Variants in BMPR2 observed in about 807,000 individuals in gnomAD.
BMPR2 encodes bone morphogenetic protein receptor type 2.
BMPR2 carries 29 observed loss-of-function variants against 100.8 expected under a neutral mutation model. The observed-to-expected ratio is 0.29, with a 90% CI of 0.21 to 0.39. BMPR2 has a LOEUF of 0.39. Ranked by LOEUF, BMPR2 falls within the 10% of genes least tolerant of loss-of-function variation. BMPR2 has a pLI of 1.00. For missense variants in BMPR2, 1,011 were observed against 1,274.5 expected (o/e 0.79, Z 3.15); for synonymous variants, 382 against 442.3 (o/e 0.86, Z 1.71).
chr2:202,548,697 T>C (rs756202522), intron 10 of BMPR2, among the ~76,000 whole-genome samples: 6 of 152,254 alleles, frequency 3.9e-5, no homozygotes, highest in East Asian at 3.9e-4. Flanking sequence ...TACTTTTTTT[T>C]CCCCCTACTT....
chr2:202,438,409 G>C (rs566138037), intron 1 of BMPR2, among the ~76,000 whole-genome samples: 1 of 150,634 alleles, frequency 6.6e-6, no homozygotes, highest in Non-Finnish European at 1.5e-5. Flanking sequence ...CCCCCATTCT[G>C]TGAGTTGTCT....
rs1085307177 is a variant in BMPR2, at chr2:202,464,932, A to G, written c.200A>G (p.Tyr67Cys). 1 of 1,614,170 alleles carries G rather than the reference A, an allele frequency of 6.2e-7. No individual in the cohort carries two copies. Among genetic ancestry groups the G allele is most frequent in the Non-Finnish European group, 8.5e-7 (1 of 1,180,018 alleles). The change falls in exon 2 of 13, where the codon TAT becomes TGT. Residue 67 changes from tyrosine to cysteine, a missense_variant. Coordinates refer to ENST00000374580, the MANE Select transcript of BMPR2 (RefSeq NM_001204.7). ...TILCSKGSTC[Y>C]GLWEKSKGDI... ...TTATGCTCGAAAGGTAGCACCTGCT[A>G]TGGCCTTTGGGAGAAATCAAAAGGG...
chr2:202,402,085 C>A (rs1690777600), intron 1 of BMPR2, among the ~76,000 whole-genome samples: 2 of 152,224 alleles, frequency 1.3e-5, no homozygotes, highest in Non-Finnish European at 2.9e-5. Flanking sequence ...ATTCAGTGAT[C>A]CAGACCCCAG....
At chr2:202,531,154 T>G (rs113866603) in intron 8 of BMPR2, among the ~76,000 whole-genome samples, 200 bp downstream of exon 8, 299 of 152,134 alleles carry the variant, frequency 2.0e-3, no homozygotes, top group African/African-American at 6.7e-3. Context: ...AATACAAAAA[T>G]TAGCCGGGCA....
chr2:202,543,970 C>T (rs1488386530), intron 10 of BMPR2, among the ~76,000 whole-genome samples: 3 of 152,092 alleles, frequency 2.0e-5, no homozygotes, highest in Admixed American at 6.6e-5. Context: ...GATCACACCA[C>T]TGCCCTCCAG....
chr2:202,549,992 A>T (rs1409675036), intron 10 of BMPR2, among the ~76,000 whole-genome samples: 1 of 151,930 alleles, frequency 6.6e-6, no homozygotes, highest in African/African-American at 2.4e-5. Context: ...TACAGCCTTG[A>T]CCTCCCAGGC....
chr2:202,382,141 C>A (rs1309785642), intron 1 of BMPR2, among the ~76,000 whole-genome samples: 2 of 146,984 alleles, frequency 1.4e-5, no homozygotes, highest in Non-Finnish European at 3.0e-5. Context: ...CTCATTACAA[C>A]CTCCACCTCC....
intron 1 of BMPR2, among the ~76,000 whole-genome samples, chr2:202,425,377 C>T (rs528992649): frequency 3.3e-5 from 5 of 152,148 alleles, no homozygotes; most frequent in South Asian, 2.1e-4. Flanking sequence ...CAGAAATAGC[C>T]GATTGGTTAC....
chr2:202,494,433 AACAG>A (rs764594494), intron 3 of BMPR2, among the ~76,000 whole-genome samples: 10 of 152,224 alleles, frequency 6.6e-5, no homozygotes, highest in East Asian at 1.9e-4. Context: ...GTAGCAAGGA[AACAG>A]ACAGAACGCC....
chr2:202,551,528 C>CA (rs760199348), intron 10 of BMPR2, among the ~76,000 whole-genome samples: 1 of 118,146 alleles, frequency 8.5e-6, no homozygotes, highest in Admixed American at 8.8e-5. Context: ...TATCTCAAAA[C>CA]AAACAAACAA....
Position 202,552,747 on chromosome 2 carries a change from A to G in BMPR2, c.1445A>G (p.Asp482Gly), listed in dbSNP as rs1688503853. 1.2e-6 allele frequency: 2 copies of G among 1,614,092 alleles called. No individual in the cohort carries two copies. Among genetic ancestry groups the G allele is most frequent in the Non-Finnish European group, 1.7e-6 (2 of 1,179,994 alleles). The part of the protein sequence containing the change: ...AVRSLKETIE[D>G]CWDQDAEARL... ...AGGTCACTCAAGGAGACAATCGAAG[A>G]CTGTTGGGACCAGGATGCAGAGGCT... Residue 482 changes from aspartate to glycine, a missense_variant, in exon 11 of 13, where the codon GAC (aspartate) becomes GGC (glycine). Around this residue, in one of 6 missense-constraint regions of BMPR2, gnomAD observed 83 missense variants for 140.7 expected, o/e 0.59. Coordinates refer to ENST00000374580, the MANE Select transcript of BMPR2 (RefSeq NM_001204.7).
chr2:202,412,357 C>T (rs562622084), intron 1 of BMPR2, among the ~76,000 whole-genome samples: 3 of 152,302 alleles, frequency 2.0e-5, no homozygotes, highest in Non-Finnish European at 2.9e-5. Context: ...CTCACTCTGT[C>T]GCCCAGGCTG....
At chr2:202,534,233 A>G (rs1688082737) in intron 9 of BMPR2, among the ~76,000 whole-genome samples, 1 of 148,752 alleles carries the variant, frequency 6.7e-6, no homozygotes, top group African/African-American at 2.5e-5. Context: ...ATATATATAT[A>G]TAAATAAAAT....
chr2:202,436,224 C>T (rs539737265), intron 1 of BMPR2, among the ~76,000 whole-genome samples: 3 of 150,726 alleles, frequency 2.0e-5, no homozygotes, highest in African/African-American at 7.5e-5. Flanking sequence ...GAGGCTGAGG[C>T]GGGTGAATCC....
At chr2:202,433,237 C>T (rs1230689852) in intron 1 of BMPR2, among the ~76,000 whole-genome samples, 2 of 150,030 alleles carry the variant, frequency 1.3e-5, no homozygotes, top group South Asian at 2.1e-4. Flanking sequence ...TAAACAGAAC[C>T]AATAGGAGTA....
intron 3 of BMPR2, among the ~76,000 whole-genome samples, chr2:202,468,336 A>C (rs1692366342): frequency 6.6e-6 from 1 of 152,226 alleles, no homozygotes; most frequent in East Asian, 1.9e-4. Flanking sequence ...TAAATTAGCC[A>C]GGCGTGGTGG....
intron 9 of BMPR2, among the ~76,000 whole-genome samples, chr2:202,539,746 A>G (rs1417941905): frequency 2.0e-5 from 3 of 152,180 alleles, no homozygotes; most frequent in Non-Finnish European, 2.9e-5. Context: ...GAATAAGTGT[A>G]ATTTGAGAAG....
At chr2:202,531,820 C>T (rs978417457) in intron 8 of BMPR2, among the ~76,000 whole-genome samples, 2 of 147,424 alleles carry the variant, frequency 1.4e-5, no homozygotes, top group South Asian at 2.2e-4. Flanking sequence ...TTAGTAGATA[C>T]GAGGTTTCTC....
chr2:202,421,558 C>G (rs560606736), intron 1 of BMPR2, among the ~76,000 whole-genome samples: 137 of 143,456 alleles, frequency 9.5e-4, no homozygotes, highest in Non-Finnish European at 1.8e-3. Context: ...AGGAGAATGG[C>G]GTGAACCTGG....
Sources: gnomAD v4.1 joint callset for allele counts (sites outside exome capture counted in the v4.1 genomes callset) on GRCh38, gnomAD v4.1.1 for gene constraint, gnomAD v4.1.1 regional missense constraint, MANE v1.5 for transcripts, NCBI Gene and HGNC (gene_info 2026-07-23, HGNC 2026-07-21) for gene names.